HAUS1: variants seen among roughly 807,000 people sequenced by gnomAD.
HAUS1 encodes the protein HAUS augmin-like complex subunit 1.
In HAUS1, 25 loss-of-function variants were observed where a neutral mutation model predicts 38.6. The ratio of observed to expected loss-of-function variants is 0.65; its 90% CI spans 0.47 to 0.91. HAUS1 has a LOEUF of 0.91. HAUS1 is among the 40% of genes least tolerant of loss of function. HAUS1 has a pLI of 0.00. For synonymous variants in HAUS1, 109 were observed against 112.9 expected (o/e 0.97, Z 0.22); for missense variants, 325 against 328.4 (o/e 0.99, Z 0.08).
chr18:46,119,101 C>T (rs753751367), intron 3 of HAUS1, among the ~76,000 whole-genome samples: 3 of 152,074 alleles, frequency 2.0e-5, no homozygotes, highest in African/African-American at 7.2e-5. Context: ...AAACTCCTGA[C>T]CTTGTGATCT....
chr18:46,106,153 C>T (rs1027374571), intron 2 of HAUS1, among the ~76,000 whole-genome samples: 1 of 152,146 alleles, frequency 6.6e-6, no homozygotes, highest in African/African-American at 2.4e-5. Flanking sequence ...TTAGAATTTT[C>T]TGCTGGGCAT....
At chr18:46,124,971 G>A in intron 7 of HAUS1, 78 bp downstream of exon 7, 1 of 837,130 alleles carries the variant, frequency 1.2e-6, no homozygotes, top group Non-Finnish European at 2.0e-6. Flanking sequence ...TGAAAATAGT[G>A]TGTTTAGGCC....
At chr18:46,123,503 G>A in intron 6 of HAUS1, 139 bp downstream of exon 6, 1 of 625,786 alleles carries the variant, frequency 1.6e-6, no homozygotes, top group Non-Finnish European at 2.9e-6. Flanking sequence ...TATATTCACT[G>A]GTATTTATAT....
chr18:46,120,526 G>A (rs1044540237), intron 4 of HAUS1, among the ~76,000 whole-genome samples: 2 of 151,220 alleles, frequency 1.3e-5, no homozygotes, highest in African/African-American at 2.4e-5. Context: ...GAGCCACTGC[G>A]CCCGGCCTGA....
Position 46,123,136 on chromosome 18 carries a change from G to T in HAUS1, c.601-163G>T, listed in dbSNP as rs534791581. The stretch of plus-strand genomic sequence containing the variant: ...TGAGGCAGGAGAATGACATGAACCC[G>T]GGAGGCGGAGTTTGCAGAGAGCCGA... On this transcript the variant is annotated intron_variant, in intron 5 of 8. Transcript: ENST00000282058. 2.9e-5 allele frequency: 16 copies of T among 552,126 alleles called. No homozygotes were observed. The South Asian group carries it at 3.0e-4, about 10-fold the overall frequency. The allele number at this position is 552,126 out of a possible 1,614,324, so 34.2% of individuals were successfully genotyped here. A position where few individuals can be genotyped will look rare whatever the true frequency, so the allele number is the denominator to read the frequency against.
At chr18:46,127,692 AGT>A (rs1452458916) in intron 8 of HAUS1, among the ~76,000 whole-genome samples, 1 of 147,114 alleles carries the variant, frequency 6.8e-6, no homozygotes, top group African/African-American at 2.5e-5. Context: ...TGGGCGACAG[AGT>A]GAGACTGCAT....
chr18:46,109,188 TACTC>T (rs1397382073), intron 2 of HAUS1, among the ~76,000 whole-genome samples: 1 of 151,972 alleles, frequency 6.6e-6, no homozygotes, highest in Non-Finnish European at 1.5e-5. Flanking sequence ...AGGCACGTCT[TACTC>T]ACTATGCCAG....
At chr18:46,107,958 G>A (rs955905281) in intron 2 of HAUS1, among the ~76,000 whole-genome samples, 2 of 152,044 alleles carry the variant, frequency 1.3e-5, no homozygotes, top group Non-Finnish European at 1.5e-5. Flanking sequence ...TCCCACCTCA[G>A]CCTACCAAGT....
At chr18:46,108,466 C>T (rs373402600) in intron 2 of HAUS1, among the ~76,000 whole-genome samples, 4 of 151,998 alleles carry the variant, frequency 2.6e-5, no homozygotes, top group African/African-American at 7.2e-5. Context: ...TTAATTCCTT[C>T]GGCTTGCTTT....
chr18:46,125,866 T>A (rs1912090195), intron 8 of HAUS1, 75 bp downstream of exon 8: 1 of 895,670 alleles, frequency 1.1e-6, no homozygotes, highest in South Asian at 1.5e-5. Context: ...GTCTTCTTCA[T>A]CCTTCTTTCC....
At chr18:46,120,081 T>A in intron 4 of HAUS1, 21 bp downstream of exon 4, 1 of 1,535,178 alleles carries the variant, frequency 6.5e-7, no homozygotes. Context: ...GAGTTCAGAG[T>A]GGTGACAATT....
chr18:46,113,861 TCTG>T (rs1474906464), intron 2 of HAUS1, among the ~76,000 whole-genome samples: 2 of 152,186 alleles, frequency 1.3e-5, no homozygotes, highest in Non-Finnish European at 2.9e-5. Context: ...TTTAATGAAG[TCTG>T]TTTATCCCCA....
chr18:46,126,914 A>G, intron 8 of HAUS1: 1 of 151,518 alleles, frequency 6.6e-6, no homozygotes, highest in Non-Finnish European at 1.5e-5. Flanking sequence ...AGATCACTGC[A>G]ACCTCCACCT....
chr18:46,119,919 CT>C lies in HAUS1; in HGVS notation c.342-3del. 1.3e-6 allele frequency: 2 copies of C among 1,575,276 alleles called. No individual in the cohort carries two copies. Among genetic ancestry groups the C allele is most frequent in the Non-Finnish European group, 1.7e-6 (2 of 1,167,294 alleles). On this transcript the variant is annotated splice_region_variant and splice_polypyrimidine_tract_variant and intron_variant, in intron 3 of 8. Transcript: ENST00000282058. The stretch of plus-strand genomic sequence containing the variant: ...AGCCCATGTATATGACCAGATTCTT[CT>C]TTTAGTTTTATCCCTGCAGTGAATG...
intron 7 of HAUS1, 43 bp downstream of exon 7, chr18:46,124,936 C>A: frequency 9.1e-7 from 1 of 1,098,526 alleles, no homozygotes; most frequent in Non-Finnish European, 1.4e-6. Context: ...TTCCTCCAAC[C>A]TTCCCTGAGG....
chr18:46,116,551 A>C (rs1911802292), intron 2 of HAUS1, among the ~76,000 whole-genome samples: 1 of 143,482 alleles, frequency 7.0e-6, no homozygotes, highest in African/African-American at 2.8e-5. Context: ...ACAGAGCAAG[A>C]CCCTGTCCCA....
chr18:46,122,724 C>T, intron 5 of HAUS1, 134 bp downstream of exon 5: 1 of 928,214 alleles, frequency 1.1e-6, no homozygotes. Flanking sequence ...CCCAAGATTA[C>T]ATAGCTATTA....
chr18:46,124,722 C>G, intron 6 of HAUS1, 100 bp from the exon 7 acceptor site: 1 of 642,004 alleles, frequency 1.6e-6, no homozygotes, highest in Non-Finnish European at 2.7e-6. Context: ...TTAAAATATA[C>G]TAATGTTAAT....
Position 46,123,335 on chromosome 18 carries a change from T to C in HAUS1, c.637T>C (p.Ser213Pro), listed in dbSNP as rs779530710. The change falls in exon 6 of 9, where the codon TCT becomes CCT. Residue 213 changes from serine to proline, a missense_variant. Physicochemically the swap from Ser to Pro is moderately conservative, Grantham distance 74. Transcript: ENST00000282058. Reference protein sequence around the residue: ...LSARGMDASLSHQSLVALSEK... With the variant: ...LSARGMDASLPHQSLVALSEK... ...AGCCAGAGGCATGGATGCTTCTCTG[T>C]CTCATCAGTCCTTAGTAGCACTATC... is the stretch of plus-strand genomic sequence containing the variant. 6.2e-7 allele frequency: 1 copy of C among 1,612,670 alleles called. No homozygotes were observed. The highest frequency in any genetic ancestry group is 8.5e-7 in the Non-Finnish European group (1 of 1,179,002).
Sources: gnomAD v4.1 joint callset for allele counts (sites outside exome capture counted in the v4.1 genomes callset) on GRCh38, gnomAD v4.1.1 for gene constraint, MANE v1.5 for transcripts, NCBI Gene and HGNC (gene_info 2026-07-23, HGNC 2026-07-21) for gene names.